The following MBTPS1 variants were observed in gnomAD, a reference collection of about 807,000 sequenced individuals.
MBTPS1 encodes the protein membrane-bound transcription factor site-1 protease.
A neutral mutation model predicts 127.8 loss-of-function variants in MBTPS1; 94 were observed. That is an observed-to-expected ratio of 0.74 (90% CI 0.62 to 0.87). MBTPS1 has a LOEUF of 0.87. Ranked by LOEUF, MBTPS1 falls within the 40% of genes least tolerant of loss-of-function variation. The probability of loss-of-function intolerance (pLI) is 0.00; values close to 1 mark genes in which losing one functional copy is unlikely to be tolerated. For synonymous variants in MBTPS1, 632 were observed against 509.4 expected, an observed-to-expected ratio of 1.24 and a Z score of -3.24; for missense variants, 1,636 against 1,353.2, an observed-to-expected ratio of 1.21 and a Z score of -3.28.
rs138465360 is a variant in MBTPS1 at position 84,079,369 on chromosome 16, T to C, written c.1448+2378A>G. ...CCACAGTCATGTTTCACACACCCAA[T>C]AACAAGTTATAATCAACGAGGATGT... On this transcript the variant is annotated intron_variant, in intron 11 of 22. Transcript: ENST00000343411. Among the ~76,000 whole-genome samples the C allele has an allele frequency of 8.1e-3, 1,236 of 152,186 alleles. 58 individuals are homozygous for C. The highest frequency in any genetic ancestry group is 0.074 in the Admixed American group (1,132 of 15,298).
At chr16:84,074,487 G>T in intron 12 of MBTPS1, 110 bp downstream of exon 12, 2 of 1,116,502 alleles carry the variant, frequency 1.8e-6, no homozygotes, top group Non-Finnish European at 2.6e-6. Flanking sequence ...TCTCTCCTCG[G>T]CCTAGAACTT....
intron 17 of MBTPS1, among the ~76,000 whole-genome samples, chr16:84,066,208 A>G (rs1210839579): frequency 6.6e-6 from 1 of 152,218 alleles, no homozygotes; most frequent in African/African-American, 2.4e-5. Flanking sequence ...TTTGTAAATA[A>G]TTAAGAAGCT....
Position 84,093,712 on chromosome 16 carries a change from A to G in MBTPS1, c.735T>C (p.Asp245=). 1 of 1,609,406 alleles carries G rather than the reference A, an allele frequency of 6.2e-7. No individual in the cohort carries two copies. Among genetic ancestry groups the G allele is most frequent in the Non-Finnish European group, 8.5e-7 (1 of 1,175,816 alleles). The change falls in exon 5 of 23, where the codon GAT becomes GAC. Residue 245 remains aspartate, a splice_region_variant and synonymous_variant. Coordinates refer to ENST00000343411, the MANE Select transcript of MBTPS1 (RefSeq NM_003791.4). ...GTTCTCACTGCTGCTGAGACCCACC[A>G]TCGTCCAGCGTTCGCTCGTTGGTCC... The part of the protein sequence containing the change: ...TNWTNERTLD[D]GLGHGTFVAG...
At chr16:84,066,365 T>G in intron 17 of MBTPS1, 124 bp downstream of exon 17, 1 of 1,027,236 alleles carries the variant, frequency 9.7e-7, no homozygotes, top group Non-Finnish European at 1.4e-6. Context: ...TACTGGTGAG[T>G]TCTTTCCACA....
At chr16:84,113,275 G>T (rs539717774) in intron 1 of MBTPS1, among the ~76,000 whole-genome samples, 18 of 152,222 alleles carry the variant, frequency 1.2e-4, no homozygotes, top group African/African-American at 4.1e-4. Context: ...AATGTTAACT[G>T]GATTTAATTT....
At chr16:84,060,929 G>T (rs989053622) in intron 19 of MBTPS1, 116 bp from the exon 20 acceptor site, 1 of 966,486 alleles carries the variant, frequency 1.0e-6, no homozygotes, top group South Asian at 1.8e-5. Context: ...GAGCTCCTGG[G>T]CTCAAGTGAT....
chr16:84,059,967 T>A (rs1221610886), intron 20 of MBTPS1: 1 of 144,926 alleles, frequency 6.9e-6, no homozygotes, highest in East Asian at 2.0e-4. Context: ...ATTAAAATAG[T>A]TTCATCTGTG....
chr16:84,094,825 G>C (rs939033214), intron 4 of MBTPS1, among the ~76,000 whole-genome samples: 11 of 152,172 alleles, frequency 7.2e-5, no homozygotes, highest in Non-Finnish European at 1.5e-4. Flanking sequence ...GGTATTAAAA[G>C]TTGAAGTATC....
chr16:84,065,869 ATTTT>A, intron 17 of MBTPS1, 102 bp from the exon 18 acceptor site: 1 of 630,774 alleles, frequency 1.6e-6, no homozygotes. Context: ...GATGCTATGT[ATTTT>A]TTTAATTGTT....
At chr16:84,065,812 C>T (rs777692551) in intron 17 of MBTPS1, 45 bp from the exon 18 acceptor site, 1 of 1,169,612 alleles carries the variant, frequency 8.5e-7, no homozygotes, top group South Asian at 1.5e-5. Context: ...GAACGCCGAA[C>T]ACTTTAATAA....
rs200593056 is a variant in MBTPS1 at position 84,074,579 on chromosome 16, G to C, written c.1593+18C>G. 6.2e-7 allele frequency: 1 copy of C among 1,611,236 alleles called. No individual in the cohort carries two copies. The highest frequency in any genetic ancestry group is 2.2e-5 in the East Asian group (1 of 44,858). On this transcript the variant is annotated intron_variant, in intron 12 of 22. Transcript: ENST00000343411. ...AGTTCACCATCAAGTCAGAGACCAA[G>C]TCAGAGAGAAGTTTCACCTTATCTA...
At position 84,067,756 on chromosome 16, in the gene MBTPS1, G is replaced by C. The variant is rs146699513; in HGVS notation, c.2139C>G (p.Asp713Glu). The change falls in exon 16 of 23, where the codon GAC becomes GAG. Residue 713 changes from aspartate to glutamate, a missense_variant. Physicochemically the swap from Asp to Glu is conservative, Grantham distance 45 (BLOSUM62 2). Coordinates refer to ENST00000343411, the MANE Select transcript of MBTPS1 (RefSeq NM_003791.4). ...TGACGAGCGAGAGGCCGTTGTCCAC[G>C]TCCCTCCGGAGCTTGGCGATCTCTT... The part of the protein sequence containing the change: ...FPEEIAKLRR[D>E]VDNGLSLVIF... 1 of 1,614,036 alleles carries C rather than the reference G, an allele frequency of 6.2e-7. No individual in the cohort carries two copies. The highest frequency in any genetic ancestry group is 1.1e-5 in the South Asian group (1 of 91,076).
At chr16:84,055,840 C>T (rs7199441) in intron 22 of MBTPS1, among the ~76,000 whole-genome samples, 165 bp downstream of exon 22, 53,661 of 152,124 alleles carry the variant, frequency 0.35, 9,561 homozygotes, top group Admixed American at 0.44. Flanking sequence ...CCTGCCCTTG[C>T]TCATGCTGGT....
At chr16:84,116,438 T>C (rs2086479097) in intron 1 of MBTPS1, among the ~76,000 whole-genome samples, 1 of 152,176 alleles carries the variant, frequency 6.6e-6, no homozygotes, top group Admixed American at 6.5e-5. Flanking sequence ...ATTGAGTCTG[T>C]CTGGAGGCTC....
At chr16:84,067,630 A>G in intron 16 of MBTPS1, 37 bp downstream of exon 16, 4 of 863,686 alleles carry the variant, frequency 4.6e-6, no homozygotes, top group East Asian at 3.6e-5. Flanking sequence ...TGATTCCCCA[A>G]AAGTCTTATC....
intron 9 of MBTPS1, chr16:84,086,567 G>C (rs926912352): frequency 6.6e-6 from 1 of 152,362 alleles, no homozygotes; most frequent in African/African-American, 2.4e-5. Context: ...ACAGGACAAA[G>C]GCTCAGGCAG....
chr16:84,088,257 C>T (rs2086058356), intron 8 of MBTPS1, among the ~76,000 whole-genome samples: 1 of 152,002 alleles, frequency 6.6e-6, no homozygotes, highest in Admixed American at 6.6e-5. Context: ...CAACTGATTC[C>T]AAGTGGCTTA....
intron 1 of MBTPS1, among the ~76,000 whole-genome samples, chr16:84,115,186 CA>C (rs2086455867): frequency 6.6e-6 from 1 of 152,160 alleles, no homozygotes; most frequent in African/African-American, 2.4e-5. Flanking sequence ...CTCGGCCTCC[CA>C]AATTGTGGGA....
chr16:84,100,936 T>A (rs1433083543), intron 2 of MBTPS1, among the ~76,000 whole-genome samples: 2 of 148,846 alleles, frequency 1.3e-5, no homozygotes, highest in East Asian at 3.9e-4. Context: ...GGGTGATCAC[T>A]TGAGGTCAGG....
Sources: gnomAD v4.1 joint callset for allele counts (sites outside exome capture counted in the v4.1 genomes callset) on GRCh38, gnomAD v4.1.1 for gene constraint, MANE v1.5 for transcripts, NCBI Gene and HGNC (gene_info 2026-07-23, HGNC 2026-07-21) for gene names.